Variants in PDLIM5 observed in about 807,000 individuals in gnomAD.
PDLIM5 encodes the protein PDZ and LIM domain 5.
A neutral mutation model predicts 64.2 loss-of-function variants in PDLIM5; 34 were observed. That is an observed-to-expected ratio of 0.53 (90% confidence interval 0.40 to 0.71). The LOEUF is 0.71. PDLIM5 is among the 30% of genes least tolerant of loss of function. The probability of loss-of-function intolerance (pLI) is 0.00; values close to 1 mark genes in which losing one functional copy is unlikely to be tolerated. For missense variants in PDLIM5, 683 were observed against 733.6 expected, an observed-to-expected ratio of 0.93 and a Z score of 0.80; for synonymous variants, 253 against 269.1, an observed-to-expected ratio of 0.94 and a Z score of 0.59.
At chr4:94,554,580 A>G (rs1384900728) in intron 3 of PDLIM5, among the ~76,000 whole-genome samples, 1 of 152,236 alleles carries the variant, frequency 6.6e-6, no homozygotes, top group African/African-American at 2.4e-5. Flanking sequence ...CTGCCATGCA[A>G]CTGCCACACT....
In PDLIM5 at chr4:94,659,494, ATGTGTGTGTGTGTGTGTG is replaced by A. The variant is rs1163008328; in HGVS notation, c.1585+1975_1585+1992del. ...GAGCAGCTGTAGTATATATGTGTGT[ATGTGTGTGTGTGTGTGTG>A]TGTGTGTGTGTGTGTGTGTGTGTGT... On this transcript the variant is annotated intron_variant, in intron 11 of 12. Transcript: ENST00000317968. Among the ~76,000 whole-genome samples the A allele has an allele frequency of 9.2e-5, 10 of 109,118 alleles. No homozygotes were observed. In the South Asian group the frequency reaches 2.1e-3, roughly 23 times the overall value. The allele number at this position is 109,118 out of a possible 152,430, so 71.6% of individuals were successfully genotyped here.
chr4:94,503,999 A>G (rs998550187), intron 2 of PDLIM5, among the ~76,000 whole-genome samples: 5 of 152,216 alleles, frequency 3.3e-5, no homozygotes, highest in African/African-American at 1.2e-4. Flanking sequence ...CTGTTTAGAA[A>G]TAATACAATA....
intron 8 of PDLIM5, among the ~76,000 whole-genome samples, chr4:94,626,456 A>G (rs1487338604): frequency 6.6e-6 from 1 of 152,208 alleles, no homozygotes; most frequent in Non-Finnish European, 1.5e-5. Flanking sequence ...TTGACTCTGA[A>G]TACTGTATTT....
chr4:94,574,054 C>G (rs936712546), intron 4 of PDLIM5, among the ~76,000 whole-genome samples: 19 of 152,154 alleles, frequency 1.2e-4, no homozygotes, highest in African/African-American at 3.9e-4. Context: ...TAGGGATGCT[C>G]CTGCATTCTA....
intron 2 of PDLIM5, among the ~76,000 whole-genome samples, chr4:94,469,442 A>G (rs1404862159): frequency 6.6e-6 from 1 of 152,162 alleles, no homozygotes; most frequent in African/African-American, 2.4e-5. Context: ...AGGCACAGAG[A>G]TTAGCAAGTG....
chr4:94,646,996 TTC>T (rs1489387057), intron 9 of PDLIM5, among the ~76,000 whole-genome samples: 1 of 152,208 alleles, frequency 6.6e-6, no homozygotes, highest in Non-Finnish European at 1.5e-5. Flanking sequence ...ATTTCACATC[TTC>T]TTTCTCCTCA....
intron 3 of PDLIM5, among the ~76,000 whole-genome samples, chr4:94,554,200 A>G (rs1733055966): frequency 6.6e-6 from 1 of 152,204 alleles, no homozygotes; most frequent in Non-Finnish European, 1.5e-5. Context: ...TCCAGAGACA[A>G]TGAAATCATT....
chr4:94,587,041 T>G, intron 7 of PDLIM5: 2 of 1,609,836 alleles, frequency 1.2e-6, no homozygotes, highest in Non-Finnish European at 1.7e-6. Context: ...ATTACGTGAC[T>G]GGCACCATGA....
intron 3 of PDLIM5, among the ~76,000 whole-genome samples, chr4:94,529,209 T>A (rs1730639773): frequency 6.6e-6 from 1 of 152,084 alleles, no homozygotes; most frequent in Admixed American, 6.6e-5. Context: ...TAACTTACAG[T>A]CACGGAAAGG....
intron 2 of PDLIM5, among the ~76,000 whole-genome samples, chr4:94,501,055 T>TA (rs773265869): frequency 1.3e-5 from 2 of 150,986 alleles, no homozygotes; most frequent in Admixed American, 6.6e-5. Context: ...GTGCTGGAGT[T>TA]ACAGGTGTGA....
At chr4:94,533,575 C>T (rs1291147518) in intron 3 of PDLIM5, among the ~76,000 whole-genome samples, 1 of 152,178 alleles carries the variant, frequency 6.6e-6, no homozygotes, top group Non-Finnish European at 1.5e-5. Context: ...CTGGTTTCAC[C>T]ATTTCCTGGC....
intron 7 of PDLIM5, among the ~76,000 whole-genome samples, chr4:94,599,050 G>A (rs1737284182): frequency 6.6e-6 from 1 of 152,140 alleles, no homozygotes; most frequent in South Asian, 2.1e-4. Context: ...ATTATTGACT[G>A]CCTTGTAGGT....
intron 7 of PDLIM5, among the ~76,000 whole-genome samples, chr4:94,603,113 G>A (rs1737629976): frequency 6.6e-6 from 1 of 152,146 alleles, no homozygotes; most frequent in Non-Finnish European, 1.5e-5. Context: ...GAAAATTGGT[G>A]TGGAAAGATA....
At chr4:94,471,875 C>CT (rs1292377953) in intron 2 of PDLIM5, among the ~76,000 whole-genome samples, 2 of 152,016 alleles carry the variant, frequency 1.3e-5, no homozygotes, top group South Asian at 2.1e-4. Context: ...TTACAAAGAT[C>CT]TTATAAGTAT....
At chr4:94,530,510 A>AATATATATATATATATATATATATATAT (rs36209951) in intron 3 of PDLIM5, among the ~76,000 whole-genome samples, 1 of 140,588 alleles carries the variant, frequency 7.1e-6, no homozygotes, top group African/African-American at 2.8e-5. Context: ...GGAATCACAG[A>AATATATATATATATATATATATATATAT]ATATATATAT....
intron 3 of PDLIM5, among the ~76,000 whole-genome samples, chr4:94,567,117 C>T (rs569231338): frequency 4.6e-5 from 7 of 152,298 alleles, no homozygotes; most frequent in South Asian, 2.1e-4. Flanking sequence ...TTCAGCCTCC[C>T]GAGTAGCTGG....
chr4:94,646,763 C>T (rs1454421191), intron 9 of PDLIM5, among the ~76,000 whole-genome samples: 1 of 152,092 alleles, frequency 6.6e-6, no homozygotes, highest in African/African-American at 2.4e-5. Flanking sequence ...ATGCAAGTTA[C>T]CATACTGGCA....
At position 94,572,971 on chromosome 4, in the gene PDLIM5, T is replaced by G; in HGVS notation, c.249-380T>G. On this transcript the variant is annotated intron_variant, in intron 3 of 12. Coordinates refer to ENST00000317968, the MANE Select transcript of PDLIM5 (RefSeq NM_006457.5). ...GATACTGTTGGAGATAGGAGTCAGA[T>G]TAGGTGGTTGAGGAGCCACTCAAAG... Among the ~76,000 whole-genome samples the G allele has an allele frequency of 1.3e-5, 2 of 152,166 alleles. 1 individual carries two copies. Among genetic ancestry groups the G allele is most frequent in the Non-Finnish European group, 2.9e-5 (2 of 68,024 alleles).
intron 3 of PDLIM5, among the ~76,000 whole-genome samples, chr4:94,539,836 G>A (rs2110179130): frequency 6.6e-6 from 1 of 152,208 alleles, no homozygotes; most frequent in East Asian, 1.9e-4. Flanking sequence ...AGTTCAGTGG[G>A]GCAAAAATAC....
Sources: allele counts gnomAD v4.1 joint callset (sites outside exome capture counted in the v4.1 genomes callset), GRCh38; gene constraint gnomAD v4.1.1; transcripts MANE v1.5; gene names NCBI Gene and HGNC (gene_info 2026-07-23, HGNC 2026-07-21).